SASH1: variants seen among roughly 807,000 people sequenced by gnomAD.
SASH1 encodes the protein SAM and SH3 domain-containing protein 1.
Under a neutral mutation model 125.2 loss-of-function variants are expected in SASH1, and 44 were observed. The observed-to-expected ratio is 0.35, with a 90% CI of 0.28 to 0.45. The LOEUF (loss-of-function observed/expected upper bound fraction) is 0.45, where lower values mean the gene tolerates loss of function less well. SASH1 is among the 20% of genes least tolerant of loss of function. SASH1 has a pLI of 1.00. For synonymous variants in SASH1, 639 were observed against 649.1 expected, an observed-to-expected ratio of 0.98 and a Z score of 0.24; for missense variants, 1,426 against 1,614.5, an observed-to-expected ratio of 0.88 and a Z score of 2.00.
intron 2 of SASH1, among the ~76,000 whole-genome samples, chr6:148,395,837 CA>C (rs1463757509): frequency 6.6e-6 from 1 of 152,184 alleles, no homozygotes; most frequent in African/African-American, 2.4e-5. Flanking sequence ...TGACATCTGT[CA>C]AAGTGACACC....
At chr6:148,225,674 G>T in the SASH1 span, among the ~76,000 whole-genome samples, 2 of 152,052 alleles carry the variant, frequency 1.3e-5, no homozygotes, top group South Asian at 2.1e-4. Flanking sequence ...CACCACTAAA[G>T]AACTTGTCCA....
At chr6:148,344,468 T>C (rs1028467721) in intron 1 of SASH1, among the ~76,000 whole-genome samples, 2 of 152,190 alleles carry the variant, frequency 1.3e-5, no homozygotes, top group Admixed American at 6.5e-5. Context: ...CAGGTGACCA[T>C]TGGTATTTAT....
At chr6:148,259,280 C>T in the SASH1 span, among the ~76,000 whole-genome samples, 1 of 152,164 alleles carries the variant, frequency 6.6e-6, no homozygotes, top group South Asian at 2.1e-4. Flanking sequence ...GTGTCTAGAA[C>T]TAAGCCAAAA....
At chr6:148,528,495 T>C (rs1430046001) in intron 12 of SASH1, among the ~76,000 whole-genome samples, 1 of 152,238 alleles carries the variant, frequency 6.6e-6, no homozygotes, top group African/African-American at 2.4e-5. Context: ...GCATCGCCCC[T>C]ATGCGAATGA....
At chr6:148,319,147 C>T (rs1225237687) in intron 1 of SASH1, among the ~76,000 whole-genome samples, 2 of 148,932 alleles carry the variant, frequency 1.3e-5, no homozygotes, top group African/African-American at 4.9e-5. Context: ...ATTCTCCTGC[C>T]TCAGCCTCCC....
chr6:148,242,864 C>T, the SASH1 span, among the ~76,000 whole-genome samples: 2 of 152,140 alleles, frequency 1.3e-5, no homozygotes, highest in African/African-American at 4.8e-5. Context: ...CCTTAAGGAC[C>T]ATGGGCTCTG....
At chr6:148,545,975 C>T (rs1225424158) in intron 18 of SASH1, 40 bp from the exon 19 acceptor site, 1 of 1,596,974 alleles carries the variant, frequency 6.3e-7, no homozygotes, top group Non-Finnish European at 8.5e-7. Flanking sequence ...AAACAAAATC[C>T]TTATGACTCT....
chr6:148,248,183 G>T, the SASH1 span, among the ~76,000 whole-genome samples: 2 of 152,146 alleles, frequency 1.3e-5, no homozygotes, highest in African/African-American at 4.8e-5. Context: ...TATCTCTTAA[G>T]CAGTACTGGT....
chr6:148,435,342 G>T (rs1776249691), intron 2 of SASH1, among the ~76,000 whole-genome samples: 1 of 144,604 alleles, frequency 6.9e-6, no homozygotes, highest in Non-Finnish European at 1.5e-5. Context: ...TCGTGCCATT[G>T]CGCTCCAGCC....
At chr6:148,486,189 C>T (rs1778833699) in intron 7 of SASH1, among the ~76,000 whole-genome samples, 1 of 152,118 alleles carries the variant, frequency 6.6e-6, no homozygotes, top group South Asian at 2.1e-4. Context: ...GGTGCGATCT[C>T]GGCTCACCGC....
intron 2 of SASH1, among the ~76,000 whole-genome samples, chr6:148,433,773 G>C (rs972362415): frequency 6.6e-6 from 1 of 152,038 alleles, no homozygotes; most frequent in African/African-American, 2.4e-5. Flanking sequence ...GTTTCTTTAA[G>C]AGTTTGTAAT....
At chr6:148,440,544 T>G in intron 4 of SASH1, 137 bp downstream of exon 4, 1 of 706,924 alleles carries the variant, frequency 1.4e-6, no homozygotes, top group African/African-American at 1.8e-5. Flanking sequence ...ACATGTTGCA[T>G]GCATGTGTGT....
the SASH1 span, among the ~76,000 whole-genome samples, chr6:148,245,335 A>G: frequency 6.4e-4 from 98 of 152,382 alleles, 1 homozygote; most frequent in Non-Finnish European, 1.2e-3. Flanking sequence ...TCTTGGTATT[A>G]TAGCATGGAT....
intron 2 of SASH1, among the ~76,000 whole-genome samples, chr6:148,439,800 A>G (rs919540235): frequency 7.9e-5 from 12 of 152,056 alleles, no homozygotes; most frequent in African/African-American, 2.9e-4. Context: ...TTGGATTGGA[A>G]GTCTAGTGTC....
intron 1 of SASH1, among the ~76,000 whole-genome samples, chr6:148,303,357 C>T (rs1365163965): frequency 1.3e-5 from 2 of 152,024 alleles, no homozygotes; most frequent in African/African-American, 2.4e-5. Flanking sequence ...ACAAATGGAA[C>T]GTTCTTCAGG....
At chr6:148,207,503 T>C in the SASH1 span, among the ~76,000 whole-genome samples, 1 of 152,148 alleles carries the variant, frequency 6.6e-6, no homozygotes, top group African/African-American at 2.4e-5. Context: ...GCCAAGCTTA[T>C]TAGTGAAATG....
intron 1 of SASH1, among the ~76,000 whole-genome samples, chr6:148,384,359 A>G (rs1264950028): frequency 1.3e-5 from 2 of 152,134 alleles, no homozygotes; most frequent in Non-Finnish European, 2.9e-5. Context: ...CAGACCAGAA[A>G]CTTTTGAACA....
At chr6:148,388,217 G>C (rs1783562858) in intron 1 of SASH1, among the ~76,000 whole-genome samples, 1 of 152,238 alleles carries the variant, frequency 6.6e-6, no homozygotes, top group Non-Finnish European at 1.5e-5. Context: ...GCCCGGCCCA[G>C]GTTCTGTTTT....
intron 1 of SASH1, among the ~76,000 whole-genome samples, chr6:148,283,696 C>T (rs1779406671): frequency 6.6e-6 from 1 of 151,894 alleles, no homozygotes. Context: ...ATCATTTGAA[C>T]CCGAGAGACG....
Sources: gnomAD v4.1 joint callset for allele counts (sites outside exome capture counted in the v4.1 genomes callset) on GRCh38, gnomAD v4.1.1 for gene constraint, MANE v1.5 for transcripts, NCBI Gene and HGNC (gene_info 2026-07-23, HGNC 2026-07-21) for gene names.